Variants in KCTD14 observed in about 807,000 individuals in gnomAD.
KCTD14 encodes potassium channel tetramerization domain containing 14.
Under a neutral mutation model 5.9 loss-of-function variants are expected in KCTD14, and 7 were observed. The observed-to-expected ratio is 1.19, with a 90% CI of 0.68 to 2.23. The LOEUF is 2.23. Among genes scored for constraint, KCTD14 ranks in the 30% most tolerant of loss-of-function variants. The pLI is 0.00. For missense variants in KCTD14, 342 were observed against 332.2 expected (o/e 1.03, Z -0.23); for synonymous variants, 140 against 133.1 (o/e 1.05, Z -0.36).
intron 2 of KCTD14, among the ~76,000 whole-genome samples, chr11:78,035,972 C>T (rs1365656783): frequency 6.6e-6 from 1 of 151,852 alleles, no homozygotes; most frequent in Non-Finnish European, 1.5e-5. Flanking sequence ...CCAGCCTGGC[C>T]AACATGGTGA....
upstream of KCTD14, among the ~76,000 whole-genome samples, chr11:78,025,114 GTGTGTATATATA>G (rs1370526625): frequency 7.0e-3 from 466 of 66,774 alleles, no homozygotes; most frequent in African/African-American, 0.019. Context: ...GTGTGTGTGT[GTGTGTATATATA>G]TATATATATA....
rs546866251 is a variant in KCTD14 at position 78,020,827 on chromosome 11, C to G, written c.90+2333G>C. On this transcript the variant is annotated intron_variant, in intron 1 of 1. Transcript: ENST00000353172. ...CGCCATCCTTCCCAACATCCTGCCC[C>G]CCTACTGCCAATACTTTGATATGTG... Among the ~76,000 whole-genome samples the G allele has an allele frequency of 2.7e-3, 415 of 152,294 alleles. 1 individual carries two copies. The highest frequency in any genetic ancestry group is 4.7e-3 in the Non-Finnish European group (321 of 68,018).
intron 1 of KCTD14, among the ~76,000 whole-genome samples, chr11:78,017,729 T>G (rs1392838239): frequency 6.6e-6 from 1 of 152,020 alleles, no homozygotes; most frequent in African/African-American, 2.4e-5. Flanking sequence ...AGGGTGGGCA[T>G]TTTAAAGAGG....
Position 78,023,227 on chromosome 11 carries a change from TC to T in KCTD14, c.22del (p.Glu8SerfsTer7). 6.2e-7 allele frequency: 1 copy of T among 1,608,330 alleles called. No homozygotes were observed. The highest frequency in any genetic ancestry group is 8.5e-7 in the Non-Finnish European group (1 of 1,179,312). MWQGCAV[E>X]RPVGRMTSQT... ...GCTCGTCATCCTGCCCACTGGCCGCTCCACTGCGCAGCCCTGCCACATGCAG... is the reference window on the plus strand; with the variant it reads ...GCTCGTCATCCTGCCCACTGGCCGCTCACTGCGCAGCCCTGCCACATGCAG... On this transcript the variant is annotated frameshift_variant, in exon 1 of 2. Coordinates refer to ENST00000353172, the MANE Select transcript of KCTD14 (RefSeq NM_023930.4). LOFTEE classifies it high-confidence loss of function.
rs537111078 is a variant in KCTD14, at chr11:78,042,439, C to T, written c.-96+3622G>A. Among the ~76,000 whole-genome samples the T allele has an allele frequency of 9.9e-5, 15 of 151,738 alleles. No homozygotes were observed. The South Asian group carries it at 2.9e-3, about 29-fold the overall frequency. On this transcript the variant is annotated intron_variant, in intron 1 of 2. Coordinates refer to the KCTD14 transcript ENST00000533144. ...ACGAGAATTGCTTGAACCTGGGAGG[C>T]GGAGGTTGCAGTGAGCCAAGATCCC...
Position 78,015,918 on chromosome 11 carries a change from C to A in KCTD14, c.*675G>T, listed in dbSNP as rs1480098807. 2 of 152,220 alleles carry A rather than the reference C, an allele frequency of 1.3e-5. No homozygotes were observed. Among genetic ancestry groups the A allele is most frequent in the Admixed American group, 1.3e-4 (2 of 15,264 alleles). The allele number at this position is 152,220 out of a possible 1,614,324, so 9.4% of individuals were successfully genotyped here. A position where few individuals can be genotyped will look rare whatever the true frequency, so the allele number is the denominator to read the frequency against. On this transcript the variant is annotated 3_prime_UTR_variant, in exon 2 of 2. Transcript: ENST00000353172. ...TACCTCCATACAAGAGGTAGCAATTCTTTTCTAGAGATGGTCTCAAAATTA... is the reference window on the plus strand; with the variant it reads ...TACCTCCATACAAGAGGTAGCAATTATTTTCTAGAGATGGTCTCAAAATTA...
intron 1 of KCTD14, among the ~76,000 whole-genome samples, chr11:78,020,451 G>A (rs1857278488): frequency 6.6e-6 from 1 of 152,202 alleles, no homozygotes. Context: ...AGAAGGCAGA[G>A]GAGAGGACGC....
At chr11:78,024,865 A>G (rs1368930975), upstream of KCTD14, among the ~76,000 whole-genome samples, 1 of 151,644 alleles carries the variant, frequency 6.6e-6, no homozygotes, top group Non-Finnish European at 1.5e-5. Context: ...GAATCGCTTG[A>G]ACCTAGGAGA....
At chr11:78,042,468 G>A (rs770111404) in intron 1 of KCTD14, among the ~76,000 whole-genome samples, 8 of 151,570 alleles carry the variant, frequency 5.3e-5, no homozygotes, top group African/African-American at 1.5e-4. Flanking sequence ...AGATCCCACC[G>A]CTACACTGCA....
intron 1 of KCTD14, among the ~76,000 whole-genome samples, chr11:78,039,749 A>G (rs969038221): frequency 3.3e-5 from 5 of 151,472 alleles, no homozygotes; most frequent in Admixed American, 2.6e-4. Flanking sequence ...CTGTCTCAAA[A>G]AAAAAAAAAA....
At chr11:78,046,051 C>T in intron 1 of KCTD14, 1 of 973,698 alleles carries the variant, frequency 1.0e-6, no homozygotes, top group Non-Finnish European at 1.2e-6. Context: ...TAGACACAAG[C>T]TGGAATTACC....
upstream of KCTD14, among the ~76,000 whole-genome samples, chr11:78,024,592 T>C (rs987073788): frequency 6.6e-6 from 1 of 151,858 alleles, no homozygotes; most frequent in Non-Finnish European, 1.5e-5. Context: ...TTCGTTTCTG[T>C]CTAACATTAG....
chr11:78,040,775 A>T (rs1857970633), intron 1 of KCTD14, among the ~76,000 whole-genome samples: 1 of 151,838 alleles, frequency 6.6e-6, no homozygotes. Flanking sequence ...GGTTCAAGCA[A>T]TTCTTCTGCC....
At chr11:78,031,396 T>G (rs1040876486) in intron 2 of KCTD14, among the ~76,000 whole-genome samples, 1 of 152,072 alleles carries the variant, frequency 6.6e-6, no homozygotes. Flanking sequence ...TTATTTTTTT[T>G]GAGACAGGGT....
At chr11:78,037,327 C>T (rs1350199116) in intron 2 of KCTD14, among the ~76,000 whole-genome samples, 8 of 152,192 alleles carry the variant, frequency 5.3e-5, no homozygotes, top group Non-Finnish European at 1.0e-4. Flanking sequence ...TCCACCTATT[C>T]TGTGACCTCC....
At chr11:78,038,576 C>A in intron 2 of KCTD14, 1 of 1,460,750 alleles carries the variant, frequency 6.8e-7, no homozygotes, top group Non-Finnish European at 9.2e-7. Flanking sequence ...AGTGCGTAGG[C>A]CCCAGCTGGT....
At chr11:78,041,888 G>A (rs1489803638) in intron 1 of KCTD14, among the ~76,000 whole-genome samples, 5 of 152,176 alleles carry the variant, frequency 3.3e-5, no homozygotes, top group Non-Finnish European at 7.3e-5. Context: ...TGGGTTCCAC[G>A]GTTCTCTTCC....
chr11:78,023,135 G>A (rs760767616), intron 1 of KCTD14, 25 bp downstream of exon 1: 50 of 1,459,288 alleles, frequency 3.4e-5, no homozygotes, highest in Non-Finnish European at 4.2e-5. Flanking sequence ...CAGAGGCGCG[G>A]GGACGCAGCT....
intron 2 of KCTD14, among the ~76,000 whole-genome samples, chr11:78,032,756 G>C (rs1373186025): frequency 1.4e-5 from 2 of 146,408 alleles, no homozygotes; most frequent in Non-Finnish European, 3.0e-5. Flanking sequence ...CCAGTCTGGA[G>C]TACAGTGGTG....
Sources: allele counts gnomAD v4.1 joint callset (sites outside exome capture counted in the v4.1 genomes callset), GRCh38; gene constraint gnomAD v4.1.1; transcripts MANE v1.5; gene names NCBI Gene and HGNC (gene_info 2026-07-23, HGNC 2026-07-21).